NARS1: variants seen among roughly 807,000 people sequenced by gnomAD.
The protein encoded by NARS1 is asparagine--tRNA ligase, cytoplasmic.
NARS1 carries 65 observed loss-of-function variants against 79.2 expected under a neutral mutation model. That is an observed-to-expected ratio of 0.82 (90% confidence interval 0.67 to 1.01). The LOEUF is 1.01. Among genes scored for constraint, NARS1 ranks in the 50% least tolerant of loss-of-function variants. NARS1 has a pLI of 0.00. For missense variants in NARS1, 649 were observed against 673.8 expected (o/e 0.96, Z 0.41); for synonymous variants, 229 against 238.8 (o/e 0.96, Z 0.38).
At position 57,620,254 on chromosome 18, in the gene NARS1, C is replaced by T. The variant is rs1053380384; in HGVS notation, c.93+315G>A. ...CCCCCTGGTCATGAGCTCACTGTAA[C>T]TGAGGAAAGGTAACTTTTATCTTTA... On this transcript the variant is annotated intron_variant, in intron 2 of 13. Coordinates refer to ENST00000256854, the MANE Select transcript of NARS1 (RefSeq NM_004539.4). 5.3e-5 allele frequency among the ~76,000 whole-genome samples: 8 copies of T among 152,140 alleles called. 1 individual carries two copies. The South Asian group carries it at 1.7e-3, about 32-fold the overall frequency.
intron 2 of NARS1, among the ~76,000 whole-genome samples, chr18:57,616,682 G>C (rs1908041930): frequency 6.6e-6 from 1 of 150,786 alleles, no homozygotes; most frequent in Non-Finnish European, 1.5e-5. Flanking sequence ...AGACATTTTT[G>C]AAACTTTCAA....
intron 12 of NARS1, 141 bp downstream of exon 12, chr18:57,602,671 G>A: frequency 8.0e-7 from 1 of 1,242,376 alleles, no homozygotes; most frequent in Non-Finnish European, 1.1e-6. Context: ...TCAGGGGAGG[G>A]TGAAAAAACC....
chr18:57,607,612 G>A lies in NARS1; in HGVS notation c.633C>T (p.Ala211=). The A allele has an allele frequency of 6.2e-7, 1 of 1,613,982 alleles. No individual in the cohort carries two copies. The highest frequency in any genetic ancestry group is 8.5e-7 in the Non-Finnish European group (1 of 1,180,016). Residue 211 remains alanine, a synonymous_variant, in exon 8 of 14, where the codon GCC becomes GCT. Coordinates refer to ENST00000256854, the MANE Select transcript of NARS1 (RefSeq NM_004539.4). ...SCDFWELIGL[A]PAGGADNLIN... is the part of the protein sequence containing the mutation. ...TCAGGTTGTCAGCTCCTCCAGCAGG[G>A]GCCAACCCAATTAGTTCCCAGAAGT...
intron 4 of NARS1, 66 bp from the exon 5 acceptor site, chr18:57,613,746 ATAT>A (rs1313281571): frequency 7.6e-7 from 1 of 1,312,174 alleles, no homozygotes; most frequent in African/African-American, 1.5e-5. Context: ...TTTTTCACTA[ATAT>A]TAGGCAGACG....
At chr18:57,603,076 A>C in intron 11 of NARS1, 133 bp from the exon 12 acceptor site, 1 of 691,732 alleles carries the variant, frequency 1.4e-6, no homozygotes, top group Non-Finnish European at 2.4e-6. Context: ...CCCTTAACCC[A>C]TACACATTTG....
At chr18:57,610,427 A>G (rs543202792) in intron 6 of NARS1, among the ~76,000 whole-genome samples, 159 of 152,306 alleles carry the variant, frequency 1.0e-3, no homozygotes, top group African/African-American at 3.4e-3. Flanking sequence ...AGCTGAGATC[A>G]CGCCACTGCA....
At position 57,608,689 on chromosome 18, in the gene NARS1, T is replaced by C. The variant is rs145461202; in HGVS notation, c.579+668A>G. On this transcript the variant is annotated intron_variant, in intron 7 of 13. Transcript: ENST00000256854. Reference sequence around the variant, plus strand: ...TTTCACTGGAAAAGGCATAGTGAATTTGACATGTACTTCACATTTATTGTA... The same window carrying C: ...TTTCACTGGAAAAGGCATAGTGAATCTGACATGTACTTCACATTTATTGTA... Among the ~76,000 whole-genome samples the C allele has an allele frequency of 3.5e-3, 530 of 152,332 alleles. 2 individuals are homozygous for C. Among genetic ancestry groups the C allele is most frequent in the African/African-American group, 0.012 (503 of 41,576 alleles).
intron 9 of NARS1, 161 bp from the exon 10 acceptor site, chr18:57,606,912 C>G (rs754481907): frequency 1.0e-6 from 1 of 963,878 alleles, no homozygotes; most frequent in Non-Finnish European, 1.5e-6. Flanking sequence ...CACTGAGTAG[C>G]AATTTCTTGT....
intron 5 of NARS1, among the ~76,000 whole-genome samples, chr18:57,612,218 C>T (rs1323078468): frequency 6.6e-6 from 1 of 152,090 alleles, no homozygotes; most frequent in Admixed American, 6.6e-5. Flanking sequence ...TACATGATCC[C>T]CAAGATCCAC....
At chr18:57,602,213 C>T (rs1490288868) in intron 13 of NARS1, 142 bp downstream of exon 13, 2 of 744,172 alleles carry the variant, frequency 2.7e-6, no homozygotes, top group Non-Finnish European at 4.2e-6. Context: ...AATATTCACA[C>T]ACCACATTAT....
intron 4 of NARS1, among the ~76,000 whole-genome samples, chr18:57,613,896 T>C (rs1396280912): frequency 6.6e-6 from 1 of 152,174 alleles, no homozygotes; most frequent in Admixed American, 6.5e-5. Context: ...TTTCTTAATG[T>C]AAAACTGATA....
chr18:57,613,501 A>T, intron 5 of NARS1, 101 bp downstream of exon 5: 1 of 1,015,524 alleles, frequency 9.8e-7, no homozygotes, highest in Non-Finnish European at 1.5e-6. Flanking sequence ...TAAGAAAAAA[A>T]GGGGGAGAGA....
intron 11 of NARS1, among the ~76,000 whole-genome samples, chr18:57,603,734 C>G (rs577573801): frequency 6.6e-6 from 1 of 152,302 alleles, no homozygotes; most frequent in African/African-American, 2.4e-5. Context: ...CCTAGCACAC[C>G]TGTTTTCAAG....
chr18:57,603,469 A>C (rs2051527015), intron 11 of NARS1, among the ~76,000 whole-genome samples: 1 of 152,220 alleles, frequency 6.6e-6, no homozygotes, highest in African/African-American at 2.4e-5. Context: ...CTTCGATGAC[A>C]GACACAATCA....
chr18:57,621,790 A>G lies in NARS1; in HGVS notation c.-73T>C. The G allele has an allele frequency of 2.5e-6, 4 of 1,610,256 alleles. No homozygotes were observed. Among genetic ancestry groups the G allele is most frequent in the Non-Finnish European group, 3.4e-6 (4 of 1,178,994 alleles). ...ACGCCGTCTTATGACTCCAACGTGC[A>G]CCGGCGGTTTCCGCGATTCCGGCGT... is the stretch of plus-strand genomic sequence containing the variant. On this transcript the variant is annotated 5_prime_UTR_variant, in exon 1 of 14. Coordinates refer to ENST00000256854, the MANE Select transcript of NARS1 (RefSeq NM_004539.4).
chr18:57,616,889 C>CA (rs1161745151), intron 2 of NARS1, among the ~76,000 whole-genome samples: 4 of 125,918 alleles, frequency 3.2e-5, no homozygotes, highest in Admixed American at 1.0e-4. Flanking sequence ...GTAGAGCTTG[C>CA]AGTGAGCTGA....
chr18:57,606,703 G>A lies in NARS1; in HGVS notation c.1050C>T (p.Leu350=). ...AAACCAAGTCCTCCAACCGGTTCAGGAGGTCGTCAAAAGTCAGGAAAGGAC... is the reference window on the plus strand; with the variant it reads ...AAACCAAGTCCTCCAACCGGTTCAGAAGGTCGTCAAAAGTCAGGAAAGGAC... ...AECPFLTFDD[L]LNRLEDLVCD... is the part of the protein sequence containing the mutation. The change falls in exon 10 of 14, where the codon CTC becomes CTT. Residue 350 remains leucine, a synonymous_variant. Transcript: ENST00000256854. 1 of 1,614,124 alleles carries A rather than the reference G, an allele frequency of 6.2e-7. No homozygotes were observed. Among genetic ancestry groups the A allele is most frequent in the Non-Finnish European group, 8.5e-7 (1 of 1,180,014 alleles).
rs923105929 is a variant in NARS1 at position 57,618,704 on chromosome 18, C to A, written c.93+1865G>T. Among the ~76,000 whole-genome samples, 3 of 151,862 alleles carry A rather than the reference C, an allele frequency of 2.0e-5. No individual in the cohort carries two copies. In the East Asian group the frequency reaches 5.8e-4, roughly 29 times the overall value. ...ATTGCTTAAGCCCAGGAGTTTAAGACCAGCCTGGGAAACATAATGAGATCT... is the reference window on the plus strand; with the variant it reads ...ATTGCTTAAGCCCAGGAGTTTAAGAACAGCCTGGGAAACATAATGAGATCT... On this transcript the variant is annotated intron_variant, in intron 2 of 13. Transcript: ENST00000256854.
At chr18:57,612,410 C>T (rs2122443883) in intron 5 of NARS1, among the ~76,000 whole-genome samples, 1 of 152,242 alleles carries the variant, frequency 6.6e-6, no homozygotes, top group African/African-American at 2.4e-5. Flanking sequence ...CCGCTTAAAA[C>T]ATTTCATTTG....
Sources: allele counts gnomAD v4.1 joint callset (sites outside exome capture counted in the v4.1 genomes callset), GRCh38; gene constraint gnomAD v4.1.1; transcripts MANE v1.5; gene names NCBI Gene and HGNC (gene_info 2026-07-23, HGNC 2026-07-21).